AGMO: variants seen among roughly 807,000 people sequenced by gnomAD.
The protein encoded by AGMO is glyceryl-ether monooxygenase.
Under a neutral mutation model 60.2 loss-of-function variants are expected in AGMO, and 75 were observed. The observed-to-expected ratio is 1.25, with a 90% CI of 1.03 to 1.51. The LOEUF (loss-of-function observed/expected upper bound fraction) is 1.51. Ranked by LOEUF, AGMO falls within the 40% of genes most tolerant of loss-of-function variation. The pLI is 0.00. For missense variants in AGMO, 763 were observed against 525.5 expected, an observed-to-expected ratio of 1.45 and a Z score of -4.42; for synonymous variants, 261 against 177.1, an observed-to-expected ratio of 1.47 and a Z score of -3.76.
intron 12 of AGMO, among the ~76,000 whole-genome samples, chr7:15,231,017 T>A (rs1449418242): frequency 1.3e-5 from 2 of 152,182 alleles, no homozygotes; most frequent in Non-Finnish European, 2.9e-5. Context: ...CTATTTTAAT[T>A]CAGGGTGGCT....
At chr7:15,268,574 T>C (rs1783502515) in intron 12 of AGMO, among the ~76,000 whole-genome samples, 1 of 152,042 alleles carries the variant, frequency 6.6e-6, no homozygotes, top group Non-Finnish European at 1.5e-5. Context: ...TAATAAAAAC[T>C]AGCAAACTGA....
In AGMO at chr7:15,443,875, G is replaced by C. The variant is rs190641761; in HGVS notation, c.410-12767C>G. Among the ~76,000 whole-genome samples the C allele has an allele frequency of 4.7e-4, 72 of 152,076 alleles. No individual in the cohort carries two copies. In the East Asian group the frequency reaches 0.011, roughly 23 times the overall value. On this transcript the variant is annotated intron_variant, in intron 3 of 12. Coordinates refer to ENST00000342526, the MANE Select transcript of AGMO (RefSeq NM_001004320.2). ...TTTGAACACTCTCAGCATTTTCATGGTCCCCTCTCCTTGTGCCATCTGTCA... is the reference window on the plus strand; with the variant it reads ...TTTGAACACTCTCAGCATTTTCATGCTCCCCTCTCCTTGTGCCATCTGTCA...
chr7:15,229,780 C>G (rs1042816365), intron 12 of AGMO, among the ~76,000 whole-genome samples: 2 of 147,520 alleles, frequency 1.4e-5, no homozygotes, highest in African/African-American at 2.5e-5. Flanking sequence ...ATTATTAGAT[C>G]AAAGTATTTG....
intron 12 of AGMO, among the ~76,000 whole-genome samples, chr7:15,254,623 G>GGATA (rs1195957876): frequency 1.3e-5 from 2 of 152,104 alleles, no homozygotes; most frequent in Admixed American, 1.3e-4. Context: ...AAATCTGGAT[G>GGATA]TTATCCCCTT....
chr7:15,374,097 T>G (rs1046760338), intron 10 of AGMO, among the ~76,000 whole-genome samples: 2 of 152,208 alleles, frequency 1.3e-5, no homozygotes, highest in Non-Finnish European at 2.9e-5. Context: ...TGCTTCTCAG[T>G]GTTACAACAT....
At chr7:15,435,638 A>T (rs1477608570) in intron 3 of AGMO, among the ~76,000 whole-genome samples, 1 of 152,080 alleles carries the variant, frequency 6.6e-6, no homozygotes, top group Non-Finnish European at 1.5e-5. Context: ...TGTGATTTGC[A>T]TTTATTTTCT....
rs1022774819 is a variant in AGMO, at chr7:15,385,643, A to T, written c.958-81T>A. 9 of 789,302 alleles carry T rather than the reference A, an allele frequency of 1.1e-5. No individual in the cohort carries two copies. In the African/African-American group the frequency reaches 1.7e-4, roughly 14 times the overall value. The allele number at this position is 789,302 out of a possible 1,614,324, so 48.9% of individuals were successfully genotyped here. On this transcript the variant is annotated intron_variant, in intron 9 of 12. Coordinates refer to ENST00000342526, the MANE Select transcript of AGMO (RefSeq NM_001004320.2). ...AAATTCACACTAAGAGATATTTGAA[A>T]AAAGTATCTGCTATTTTTTTTAAAA...
At chr7:15,340,795 C>A (rs773637844) in intron 12 of AGMO, among the ~76,000 whole-genome samples, 4 of 152,154 alleles carry the variant, frequency 2.6e-5, no homozygotes, top group Non-Finnish European at 5.9e-5. Flanking sequence ...TCTGCTAGGG[C>A]AGTGCAGAAG....
At chr7:15,264,312 A>G (rs1442257772) in intron 12 of AGMO, among the ~76,000 whole-genome samples, 1 of 151,964 alleles carries the variant, frequency 6.6e-6, no homozygotes, top group African/African-American at 2.4e-5. Context: ...CTTTCCTTAC[A>G]GTGAAATAAT....
intron 12 of AGMO, among the ~76,000 whole-genome samples, chr7:15,254,570 GATTA>G (rs1003244349): frequency 1.3e-4 from 20 of 152,204 alleles, no homozygotes; most frequent in African/African-American, 4.1e-4. Flanking sequence ...TTTAAAATCA[GATTA>G]ATTGTTATTT....
downstream of AGMO, among the ~76,000 whole-genome samples, chr7:15,198,233 G>C (rs867074523): frequency 3.5e-4 from 40 of 115,668 alleles, 1 homozygote; most frequent in South Asian, 3.1e-3. Context: ...GAGAGAGAGA[G>C]AGAGAGAGAG....
intron 12 of AGMO, among the ~76,000 whole-genome samples, chr7:15,364,849 G>C (rs1341632334): frequency 6.6e-6 from 1 of 152,006 alleles, no homozygotes; most frequent in Non-Finnish European, 1.5e-5. Flanking sequence ...GGTGATGTTG[G>C]CAGGTGTCTT....
At chr7:15,205,008 A>T (rs1211431051) in intron 12 of AGMO, among the ~76,000 whole-genome samples, 1 of 152,120 alleles carries the variant, frequency 6.6e-6, no homozygotes, top group Non-Finnish European at 1.5e-5. Context: ...GTGTTTTGAG[A>T]GGCCTTATTC....
Position 15,415,807 on chromosome 7 carries a change from T to C in AGMO, c.609+2751A>G, listed in dbSNP as rs1482701736. 3.3e-5 allele frequency among the ~76,000 whole-genome samples: 5 copies of C among 152,170 alleles called. No individual in the cohort carries two copies. In the East Asian group the frequency reaches 9.7e-4, roughly 29 times the overall value. ...TCCACAGTTTTAAGTTAAAAACATG[T>C]ATTAAATAAAAAGATTTTCTTGCTA... On this transcript the variant is annotated intron_variant, in intron 5 of 12. Coordinates refer to ENST00000342526, the MANE Select transcript of AGMO (RefSeq NM_001004320.2).
chr7:15,348,866 GA>G (rs201690400), intron 12 of AGMO, among the ~76,000 whole-genome samples: 1 of 150,000 alleles, frequency 6.7e-6, no homozygotes, highest in Non-Finnish European at 1.5e-5. Context: ...TTAGCAAACT[GA>G]AAAAAAAATT....
chr7:15,551,678 C>T (rs1469491173), intron 2 of AGMO, among the ~76,000 whole-genome samples: 47 of 151,092 alleles, frequency 3.1e-4, no homozygotes, highest in Admixed American at 1.1e-3. Flanking sequence ...AGGATATAAA[C>T]AAATGGAAGA....
chr7:15,483,349 G>A lies in AGMO; in HGVS notation c.410-52241C>T, dbSNP rs1269688672. Among the ~76,000 whole-genome samples, 4 of 152,080 alleles carry A rather than the reference G, an allele frequency of 2.6e-5. No individual in the cohort carries two copies. In the South Asian group the frequency reaches 6.2e-4, roughly 24 times the overall value. On this transcript the variant is annotated intron_variant, in intron 3 of 12. Transcript: ENST00000342526. ...TGGGAGGCCGAGGCGGGCGGATCAC[G>A]AGGTCAGGAGATTGAGACCATCCTG...
intron 3 of AGMO, among the ~76,000 whole-genome samples, chr7:15,470,491 T>A (rs959569435): frequency 2.6e-5 from 4 of 151,980 alleles, no homozygotes; most frequent in Non-Finnish European, 5.9e-5. Context: ...CAACTTCAAG[T>A]ATTCATAATT....
At chr7:15,212,447 C>A (rs1781621701) in intron 12 of AGMO, among the ~76,000 whole-genome samples, 1 of 151,882 alleles carries the variant, frequency 6.6e-6, no homozygotes, top group South Asian at 2.1e-4. Context: ...AGTAATACGG[C>A]CCTGAGTTTT....
Sources: allele counts gnomAD v4.1 joint callset (sites outside exome capture counted in the v4.1 genomes callset), GRCh38; gene constraint gnomAD v4.1.1; transcripts MANE v1.5; gene names NCBI Gene and HGNC (gene_info 2026-07-23, HGNC 2026-07-21).